NALF1: variants seen among roughly 807,000 people sequenced by gnomAD.
NALF1 encodes the protein family with sequence similarity 155 member A.
Under a neutral mutation model 48.4 loss-of-function variants are expected in NALF1, and 3 were observed. That is an observed-to-expected ratio of 0.06 (90% CI 0.03 to 0.16). NALF1 has a LOEUF of 0.16. Ranked by LOEUF, NALF1 falls within the 10% of genes least tolerant of loss-of-function variation. The probability of loss-of-function intolerance (pLI) is 1.00; values close to 1 mark genes in which losing one functional copy is unlikely to be tolerated. For synonymous variants in NALF1, 262 were observed against 245.7 expected, an observed-to-expected ratio of 1.07 and a Z score of -0.62; for missense variants, 526 against 571.5, an observed-to-expected ratio of 0.92 and a Z score of 0.81.
At chr13:107,180,429 G>A (rs1274740771) in intron 2 of NALF1, among the ~76,000 whole-genome samples, 8 of 151,860 alleles carry the variant, frequency 5.3e-5, no homozygotes, top group Non-Finnish European at 1.0e-4. Context: ...CTTTATCTCA[G>A]TAATTTACAT....
intron 1 of NALF1, among the ~76,000 whole-genome samples, chr13:107,560,402 A>C (rs1270651954): frequency 6.6e-6 from 1 of 152,134 alleles, no homozygotes; most frequent in East Asian, 1.9e-4. Flanking sequence ...TTCCAAGAAC[A>C]CTACAAATAA....
At chr13:107,249,654 A>G (rs1375456181) in intron 1 of NALF1, among the ~76,000 whole-genome samples, 2 of 152,232 alleles carry the variant, frequency 1.3e-5, no homozygotes, top group South Asian at 2.1e-4. Context: ...CATTTTCACT[A>G]TGACATAGAT....
At chr13:107,701,208 C>G (rs959075501) in intron 1 of NALF1, among the ~76,000 whole-genome samples, 2 of 152,096 alleles carry the variant, frequency 1.3e-5, no homozygotes, top group Non-Finnish European at 2.9e-5. Context: ...AGCATTATTC[C>G]CAAGAGCCAA....
intron 1 of NALF1, among the ~76,000 whole-genome samples, chr13:107,217,752 A>G (rs1325920411): frequency 6.6e-6 from 1 of 151,960 alleles, no homozygotes; most frequent in East Asian, 1.9e-4. Flanking sequence ...TGTCTGCCCA[A>G]ATCTCTTGAT....
At chr13:107,395,297 A>T (rs1442961882) in intron 1 of NALF1, among the ~76,000 whole-genome samples, 1 of 152,120 alleles carries the variant, frequency 6.6e-6, no homozygotes, top group Non-Finnish European at 1.5e-5. Flanking sequence ...TGCTGAATTG[A>T]TTATGTTCAC....
At chr13:107,690,546 T>C (rs1398105508) in intron 1 of NALF1, among the ~76,000 whole-genome samples, 1 of 152,222 alleles carries the variant, frequency 6.6e-6, no homozygotes, top group African/African-American at 2.4e-5. Flanking sequence ...AGATCAACTC[T>C]GTACACTGAG....
intron 1 of NALF1, among the ~76,000 whole-genome samples, chr13:107,495,575 C>T (rs1045169330): frequency 6.6e-6 from 1 of 152,128 alleles, no homozygotes. Flanking sequence ...ACCCTGTAGA[C>T]AATACTACTA....
At chr13:107,860,772 A>G (rs1437212033) in intron 1 of NALF1, among the ~76,000 whole-genome samples, 2 of 152,254 alleles carry the variant, frequency 1.3e-5, no homozygotes, top group Non-Finnish European at 2.9e-5. Context: ...TGTTTGAAAC[A>G]GTTATCCATA....
chr13:107,739,787 A>ACC (rs1316594745), intron 1 of NALF1, among the ~76,000 whole-genome samples: 1 of 152,146 alleles, frequency 6.6e-6, no homozygotes, highest in African/African-American at 2.4e-5. Context: ...TGCTCACATT[A>ACC]CCGCCTGAGC....
chr13:107,841,734 T>C (rs887045798), intron 1 of NALF1, among the ~76,000 whole-genome samples: 1 of 152,094 alleles, frequency 6.6e-6, no homozygotes, highest in African/African-American at 2.4e-5. Flanking sequence ...GACTGTTTTT[T>C]ACACTGCCGT....
At chr13:107,755,546 T>G (rs962146237) in intron 1 of NALF1, among the ~76,000 whole-genome samples, 1 of 151,120 alleles carries the variant, frequency 6.6e-6, no homozygotes, top group Admixed American at 6.6e-5. Flanking sequence ...TATTTCTGTT[T>G]AATTTATTTT....
chr13:107,305,991 T>C (rs552612388), intron 1 of NALF1, among the ~76,000 whole-genome samples: 9 of 152,234 alleles, frequency 5.9e-5, no homozygotes, highest in African/African-American at 2.2e-4. Context: ...AGAAATCAAC[T>C]AGCGGTGAGG....
At chr13:107,749,229 C>G (rs1005813281) in intron 1 of NALF1, among the ~76,000 whole-genome samples, 17 of 151,584 alleles carry the variant, frequency 1.1e-4, no homozygotes, top group African/African-American at 3.4e-4. Context: ...CTTTGTGAAA[C>G]ACATATTTTT....
chr13:107,793,664 T>C (rs1878318785), intron 1 of NALF1, among the ~76,000 whole-genome samples: 1 of 152,170 alleles, frequency 6.6e-6, no homozygotes, highest in Non-Finnish European at 1.5e-5. Flanking sequence ...CTTTCTGTCA[T>C]TAACATGTCA....
chr13:107,580,152 A>G (rs1878264523), intron 1 of NALF1, among the ~76,000 whole-genome samples: 1 of 152,192 alleles, frequency 6.6e-6, no homozygotes, highest in African/African-American at 2.4e-5. Context: ...TTGTAGGGAC[A>G]TAGATGAAAT....
chr13:107,838,435 C>T (rs1365547057), intron 1 of NALF1, among the ~76,000 whole-genome samples: 1 of 152,036 alleles, frequency 6.6e-6, no homozygotes, highest in African/African-American at 2.4e-5. Flanking sequence ...TTCCTGTAAT[C>T]GCTTACACTA....
At chr13:107,341,393 C>T (rs9520396) in intron 1 of NALF1, among the ~76,000 whole-genome samples, 115,012 of 151,764 alleles carry the variant, frequency 0.76, 44,351 homozygotes, top group Non-Finnish European at 0.82. Flanking sequence ...AGCCAGCCTC[C>T]TCAGTGCCTT....
In NALF1 at chr13:107,355,006, C is replaced by T. The variant is rs191915401; in HGVS notation, c.916-144251G>A. Among the ~76,000 whole-genome samples, 36 of 152,286 alleles carry T rather than the reference C, an allele frequency of 2.4e-4. No homozygotes were observed. In the East Asian group the frequency reaches 5.2e-3, roughly 22 times the overall value. ...GAGAGGACTAAGGATTTCAGCAGGGCATGGATTTGAGACCTTCAAGCCAGT... is the reference window on the plus strand; with the variant it reads ...GAGAGGACTAAGGATTTCAGCAGGGTATGGATTTGAGACCTTCAAGCCAGT... On this transcript the variant is annotated intron_variant, in intron 1 of 2. Coordinates refer to ENST00000375915, the MANE Select transcript of NALF1 (RefSeq NM_001080396.3).
At chr13:107,706,326 T>C (rs1318468643) in intron 1 of NALF1, among the ~76,000 whole-genome samples, 2 of 152,214 alleles carry the variant, frequency 1.3e-5, no homozygotes, top group Non-Finnish European at 2.9e-5. Flanking sequence ...TTATCTTCTA[T>C]TTAGGAAGAC....
Sources: gnomAD v4.1 joint callset for allele counts (sites outside exome capture counted in the v4.1 genomes callset) on GRCh38, gnomAD v4.1.1 for gene constraint, MANE v1.5 for transcripts, NCBI Gene and HGNC (gene_info 2026-07-23, HGNC 2026-07-21) for gene names.